DRC11: variants seen among roughly 807,000 people sequenced by gnomAD.
The protein encoded by DRC11 is dynein regulatory complex subunit 11, also known as IQ and AAA domain-containing protein 1.
At chr2:236,323,917 G>A in the DRC11 span, among the ~76,000 whole-genome samples, 1 of 151,834 alleles carries the variant, frequency 6.6e-6, no homozygotes, top group African/African-American at 2.4e-5. The surrounding 1 kb of genome is among the most constrained non-coding windows in gnomAD (Gnocchi z 6.4). Context: ...ATTTCTTCAC[G>A]TCGGCTTTCC....
At chr2:236,358,376 T>A in the DRC11 span, among the ~76,000 whole-genome samples, 1 of 94,644 alleles carries the variant, frequency 1.1e-5, no homozygotes, top group African/African-American at 3.7e-5. Flanking sequence ...TATATAGATA[T>A]ATATTTATGA....
At chr2:236,410,591 A>C in the DRC11 span, among the ~76,000 whole-genome samples, 4 of 150,744 alleles carry the variant, frequency 2.7e-5, no homozygotes, top group African/African-American at 7.4e-5. Flanking sequence ...TCGCCAAGTC[A>C]ATCCTAAGCC....
chr2:236,319,593 C>T, the DRC11 span, among the ~76,000 whole-genome samples: 2 of 152,176 alleles, frequency 1.3e-5, no homozygotes, highest in Admixed American at 1.3e-4. The surrounding 1 kb of genome is among the most constrained non-coding windows in gnomAD (Gnocchi z 6.7). Flanking sequence ...AGTGGAGAGG[C>T]CAGAACCTAC....
chr2:236,430,579 A>G, the DRC11 span, among the ~76,000 whole-genome samples: 1 of 152,192 alleles, frequency 6.6e-6, no homozygotes, highest in Non-Finnish European at 1.5e-5. This position sits in a 1 kb window ranked among gnomAD's most constrained non-coding sequence, Gnocchi z 6.0. Flanking sequence ...CCCCTACCAA[A>G]TAAGATTGAG....
the DRC11 span, among the ~76,000 whole-genome samples, chr2:236,463,980 A>G: frequency 0.016 from 2,485 of 152,232 alleles, 84 homozygotes; most frequent in African/African-American, 0.056. The surrounding 1 kb of genome is among the most constrained non-coding windows in gnomAD (Gnocchi z 5.0). Context: ...TCAGCTTCTC[A>G]CTGGCTGTTG....
chr2:236,426,117 G>A, the DRC11 span, among the ~76,000 whole-genome samples: 1 of 151,828 alleles, frequency 6.6e-6, no homozygotes, highest in Non-Finnish European at 1.5e-5. This position sits in a 1 kb window ranked among gnomAD's most constrained non-coding sequence, Gnocchi z 4.1. Context: ...GATATTTGAG[G>A]TGTTTTGTGG....
chr2:236,323,812 A>G, the DRC11 span, among the ~76,000 whole-genome samples: 10 of 152,322 alleles, frequency 6.6e-5, no homozygotes, highest in East Asian at 1.4e-3. This position sits in a 1 kb window ranked among gnomAD's most constrained non-coding sequence, Gnocchi z 6.4. Flanking sequence ...GTTACTTGCT[A>G]TCTTCCACCA....
chr2:236,475,765 G>A, the DRC11 span, among the ~76,000 whole-genome samples: 1 of 152,154 alleles, frequency 6.6e-6, no homozygotes, highest in African/African-American at 2.4e-5. The surrounding 1 kb of genome is among the most constrained non-coding windows in gnomAD (Gnocchi z 4.8). Context: ...AGATATAGGG[G>A]TCTAGCTTTA....
chr2:236,498,475 AAG>A, the DRC11 span, among the ~76,000 whole-genome samples: 8,419 of 139,070 alleles, frequency 0.061, 530 homozygotes, highest in African/African-American at 0.2. Context: ...AAAAAAAAAA[AAG>A]AGTGAGGTGA....
chr2:236,495,008 C>G, the DRC11 span, among the ~76,000 whole-genome samples: 7 of 152,182 alleles, frequency 4.6e-5, no homozygotes, highest in Non-Finnish European at 1.0e-4. This position sits in a 1 kb window ranked among gnomAD's most constrained non-coding sequence, Gnocchi z 5.6. Flanking sequence ...GACAAAACCT[C>G]ATTGTCTTAT....
the DRC11 span, among the ~76,000 whole-genome samples, chr2:236,459,688 C>CGT: frequency 2.3e-4 from 30 of 131,240 alleles, no homozygotes; most frequent in African/African-American, 6.6e-4. Flanking sequence ...TATGTATATA[C>CGT]ATATATACAT....
the DRC11 span, among the ~76,000 whole-genome samples, chr2:236,505,643 C>CT: frequency 7.9e-5 from 12 of 152,264 alleles, no homozygotes; most frequent in Non-Finnish European, 2.9e-5. Flanking sequence ...CATCTTCCAT[C>CT]TACCATGATC....
chr2:236,411,546 G>A, the DRC11 span, among the ~76,000 whole-genome samples: 5 of 152,064 alleles, frequency 3.3e-5, no homozygotes, highest in African/African-American at 1.2e-4. Flanking sequence ...CCATTACTGG[G>A]TATATACCCA....
At chr2:236,408,693 T>C in the DRC11 span, 1 of 718,708 alleles carries the variant, frequency 1.4e-6, no homozygotes, top group African/African-American at 1.7e-5. The surrounding 1 kb of genome is among the most constrained non-coding windows in gnomAD (Gnocchi z 5.5). Flanking sequence ...AAAGGCCTCC[T>C]TCTTAGATTT....
the DRC11 span, among the ~76,000 whole-genome samples, chr2:236,499,517 C>T: frequency 6.6e-6 from 1 of 152,248 alleles, no homozygotes; most frequent in African/African-American, 2.4e-5. The surrounding 1 kb of genome is among the most constrained non-coding windows in gnomAD (Gnocchi z 4.7). Context: ...CAACCTCCGC[C>T]TCCTGGGTTC....
the DRC11 span, chr2:236,346,626 T>C: frequency 5.9e-6 from 1 of 168,950 alleles, no homozygotes; most frequent in African/African-American, 2.4e-5. Flanking sequence ...TATGTTACAG[T>C]GGGGAGCTAG....
At chr2:236,356,984 T>TTTATATATTCA in the DRC11 span, among the ~76,000 whole-genome samples, 3 of 110,200 alleles carry the variant, frequency 2.7e-5, no homozygotes, top group African/African-American at 1.0e-4. Flanking sequence ...TATTCATATA[T>TTTATATATTCA]TATATATCTA....
the DRC11 span, among the ~76,000 whole-genome samples, chr2:236,406,897 C>G: frequency 5.9e-5 from 9 of 152,104 alleles, no homozygotes; most frequent in Non-Finnish European, 1.3e-4. This position sits in a 1 kb window ranked among gnomAD's most constrained non-coding sequence, Gnocchi z 4.7. Flanking sequence ...AGGCGCCCAC[C>G]ACCACGCCTG....
chr2:236,465,555 A>G, the DRC11 span: 1 of 1,613,992 alleles, frequency 6.2e-7, no homozygotes. This position sits in a 1 kb window ranked among gnomAD's most constrained non-coding sequence, Gnocchi z 6.2. Flanking sequence ...TCTCCTTGAT[A>G]TCCACGCCTT....
Sources: gnomAD v4.1 joint callset for allele counts (sites outside exome capture counted in the v4.1 genomes callset) on GRCh38, gnomAD v4.1.1 for gene constraint, Gnocchi (gnomAD v3.1) non-coding constraint, MANE v1.5 for transcripts, NCBI Gene and HGNC (gene_info 2026-07-23, HGNC 2026-07-21) for gene names.